Variants in AHCYL2 observed in about 807,000 individuals in gnomAD.
The protein encoded by AHCYL2 is S-adenosylhomocysteine hydrolase-like protein 2.
A neutral mutation model predicts 81.4 loss-of-function variants in AHCYL2; 28 were observed. That is an observed-to-expected ratio of 0.34 (90% CI 0.25 to 0.47). The LOEUF is 0.47. AHCYL2 is among the 20% of genes least tolerant of loss of function. AHCYL2 has a pLI of 1.00. For synonymous variants in AHCYL2, 272 were observed against 290.2 expected, an observed-to-expected ratio of 0.94 and a Z score of 0.64; for missense variants, 551 against 785.1, an observed-to-expected ratio of 0.70 and a Z score of 3.56.
chr7:129,360,729 A>C (rs572700680), intron 1 of AHCYL2, among the ~76,000 whole-genome samples: 2 of 152,268 alleles, frequency 1.3e-5, no homozygotes, highest in South Asian at 4.2e-4. Flanking sequence ...ATGTGTGTGC[A>C]TGCATATGCC....
chr7:129,322,265 G>C (rs1297652646), intron 1 of AHCYL2, among the ~76,000 whole-genome samples: 1 of 151,472 alleles, frequency 6.6e-6, no homozygotes, highest in Non-Finnish European at 1.5e-5. Context: ...TCAGCCTCCT[G>C]AGTAGCTGGG....
At chr7:129,410,839 T>TA (rs749705520) in intron 11 of AHCYL2, among the ~76,000 whole-genome samples, 15 of 151,536 alleles carry the variant, frequency 9.9e-5, no homozygotes, top group East Asian at 5.8e-4. Context: ...TCAGACAGAA[T>TA]AAAAAAAAAT....
intron 1 of AHCYL2, among the ~76,000 whole-genome samples, chr7:129,306,419 G>T (rs2150769739): frequency 6.6e-6 from 1 of 152,128 alleles, no homozygotes; most frequent in East Asian, 1.9e-4. Context: ...TTCCACTACA[G>T]AATTTCTGCT....
intron 1 of AHCYL2, among the ~76,000 whole-genome samples, chr7:129,235,305 G>T (rs541696879): frequency 2.0e-5 from 3 of 151,416 alleles, no homozygotes; most frequent in African/African-American, 7.3e-5. Flanking sequence ...AGGCTGGAGT[G>T]CAATAGTATG....
chr7:129,323,242 T>C (rs1373157359), intron 1 of AHCYL2, among the ~76,000 whole-genome samples: 1 of 152,204 alleles, frequency 6.6e-6, no homozygotes, highest in South Asian at 2.1e-4. Context: ...CTCTAAGTGC[T>C]GCTTTAGGTG....
At chr7:129,382,672 G>A (rs1795016204) in intron 2 of AHCYL2, among the ~76,000 whole-genome samples, 1 of 152,116 alleles carries the variant, frequency 6.6e-6, no homozygotes, top group South Asian at 2.1e-4. Context: ...TTGGGAGGCT[G>A]AGGTCGGCGA....
chr7:129,244,714 T>A (rs1285223603), intron 1 of AHCYL2, among the ~76,000 whole-genome samples: 1 of 152,190 alleles, frequency 6.6e-6, no homozygotes, highest in Non-Finnish European at 1.5e-5. Flanking sequence ...CACTGGGGGT[T>A]AGATTTCAAC....
At chr7:129,234,866 A>G (rs1207728638) in intron 1 of AHCYL2, among the ~76,000 whole-genome samples, 1 of 152,152 alleles carries the variant, frequency 6.6e-6, no homozygotes, top group Non-Finnish European at 1.5e-5. Context: ...TTCAGAATTC[A>G]CACTTGCCCT....
intron 10 of AHCYL2, among the ~76,000 whole-genome samples, chr7:129,407,186 C>T (rs1160517994): frequency 6.6e-6 from 1 of 151,940 alleles, no homozygotes; most frequent in Non-Finnish European, 1.5e-5. Context: ...CCCATCTCTA[C>T]AAATAATTTT....
chr7:129,237,847 G>A (rs112252646), intron 1 of AHCYL2, among the ~76,000 whole-genome samples: 5,259 of 152,024 alleles, frequency 0.035, 281 homozygotes, highest in East Asian at 0.19. Context: ...CCTCCCGAGT[G>A]GCTGGGATTA....
In AHCYL2 at chr7:129,368,223, C is replaced by A; in HGVS notation, c.364-11415C>A. 7.7e-7 allele frequency: 1 copy of A among 1,305,814 alleles called. No individual in the cohort carries two copies. Among genetic ancestry groups the A allele is most frequent in the Non-Finnish European group, 9.8e-7 (1 of 1,024,890 alleles). 80.9% of individuals were successfully genotyped at this position (1,305,814 alleles called of 1,614,324 possible). On this transcript the variant is annotated intron_variant, in intron 1 of 16. Coordinates refer to ENST00000325006, the MANE Select transcript of AHCYL2 (RefSeq NM_015328.4). The surrounding 1 kb of genome is among the most constrained non-coding windows in gnomAD (Gnocchi z 4.4). ...AACAGTGAGTGCCCTGTGAGAAGCACAGTGCCTGGGTGCAGCACTTTGCAT... is the reference window on the plus strand; with the variant it reads ...AACAGTGAGTGCCCTGTGAGAAGCAAAGTGCCTGGGTGCAGCACTTTGCAT...
chr7:129,312,155 G>A (rs530057418), intron 1 of AHCYL2, among the ~76,000 whole-genome samples: 1 of 152,160 alleles, frequency 6.6e-6, no homozygotes, highest in East Asian at 1.9e-4. Flanking sequence ...CGTGATCACG[G>A]CTCACTGTAG....
chr7:129,247,502 A>G (rs1286338817), intron 1 of AHCYL2, among the ~76,000 whole-genome samples: 2 of 152,152 alleles, frequency 1.3e-5, no homozygotes, highest in African/African-American at 4.8e-5. Flanking sequence ...ACTTTCTCCT[A>G]GTCTGTGGCT....
intron 1 of AHCYL2, among the ~76,000 whole-genome samples, chr7:129,266,437 G>C (rs1446985673): frequency 6.6e-6 from 1 of 152,076 alleles, no homozygotes; most frequent in Non-Finnish European, 1.5e-5. Context: ...TGAGTCAGGA[G>C]AATGGCTTGA....
chr7:129,303,696 G>C (rs1797328498), intron 1 of AHCYL2, among the ~76,000 whole-genome samples: 1 of 151,918 alleles, frequency 6.6e-6, no homozygotes. Context: ...CTTTGGGTTT[G>C]GTTGGGTCTT....
chr7:129,324,938 G>A (rs930037381), intron 1 of AHCYL2, among the ~76,000 whole-genome samples: 1 of 152,154 alleles, frequency 6.6e-6, no homozygotes, highest in Non-Finnish European at 1.5e-5. Context: ...TTCACATATA[G>A]TATGTCAATC....
chr7:129,258,902 T>A (rs996460833), intron 1 of AHCYL2, among the ~76,000 whole-genome samples: 2 of 152,176 alleles, frequency 1.3e-5, no homozygotes, highest in Non-Finnish European at 2.9e-5. Flanking sequence ...GTTGAGAGCG[T>A]GAGCACTTGT....
intron 10 of AHCYL2, among the ~76,000 whole-genome samples, chr7:129,409,213 T>C (rs551089043): frequency 1.3e-5 from 2 of 152,232 alleles, no homozygotes; most frequent in Non-Finnish European, 2.9e-5. Context: ...AGTGGCACTT[T>C]CTACAGTTTC....
At chr7:129,277,160 C>A (rs1317343600) in intron 1 of AHCYL2, among the ~76,000 whole-genome samples, 1 of 151,042 alleles carries the variant, frequency 6.6e-6, no homozygotes, top group African/African-American at 2.4e-5. Flanking sequence ...AATTGACAAA[C>A]AAAAAACTGC....
Sources: gnomAD v4.1 joint callset for allele counts (sites outside exome capture counted in the v4.1 genomes callset) on GRCh38, gnomAD v4.1.1 for gene constraint, Gnocchi (gnomAD v3.1) non-coding constraint, MANE v1.5 for transcripts, NCBI Gene and HGNC (gene_info 2026-07-23, HGNC 2026-07-21) for gene names.